The following OOSP3 variants were observed in gnomAD, a reference collection of about 807,000 sequenced individuals.
OOSP3 encodes oocyte-secreted protein 3.
chr11:59,893,613 T>C (rs992037869), intron 2 of OOSP3, among the ~76,000 whole-genome samples: 1 of 152,138 alleles, frequency 6.6e-6, no homozygotes, highest in African/African-American at 2.4e-5. Flanking sequence ...TGCCTCACCT[T>C]CCCAAAGTGG....
intron 2 of OOSP3, among the ~76,000 whole-genome samples, chr11:59,884,396 T>G (rs1853229742): frequency 6.6e-6 from 1 of 150,880 alleles, no homozygotes; most frequent in African/African-American, 2.4e-5. Flanking sequence ...TTGTAATAGT[T>G]TTTTTTTTTG....
At position 59,892,621 on chromosome 11, in the gene OOSP3, C is replaced by G. The variant is rs534659703; in HGVS notation, c.253-1458C>G. Among the ~76,000 whole-genome samples, 72 of 152,076 alleles carry G rather than the reference C, an allele frequency of 4.7e-4. No individual in the cohort carries two copies. In the South Asian group the frequency reaches 0.014, roughly 29 times the overall value. ...GGTAGTTTTTGGCTACTAATCCAAT[C>G]TCTTTACTTATTATATATAGGTCTA... On this transcript the variant is annotated intron_variant, in intron 2 of 4. Coordinates refer to ENST00000646438, the Ensembl canonical transcript of OOSP3.
intron 2 of OOSP3, among the ~76,000 whole-genome samples, chr11:59,891,764 G>A (rs1459828128): frequency 6.6e-6 from 1 of 152,238 alleles, no homozygotes; most frequent in Non-Finnish European, 1.5e-5. Context: ...TAAGGAAGCA[G>A]TCTGGCTGTC....
intron 2 of OOSP3, among the ~76,000 whole-genome samples, chr11:59,885,813 A>G (rs1853251124): frequency 6.6e-6 from 1 of 152,134 alleles, no homozygotes; most frequent in African/African-American, 2.4e-5. Context: ...TTTTAATATC[A>G]GGGCAATACA....
intron 2 of OOSP3, among the ~76,000 whole-genome samples, chr11:59,881,114 A>G (rs1853196447): frequency 6.6e-6 from 1 of 152,210 alleles, no homozygotes; most frequent in Non-Finnish European, 1.5e-5. Context: ...TAATCCCAGC[A>G]GTTTGGGAGG....
At chr11:59,887,207 T>C (rs1278681697) in intron 2 of OOSP3, among the ~76,000 whole-genome samples, 1 of 152,046 alleles carries the variant, frequency 6.6e-6, no homozygotes, top group Non-Finnish European at 1.5e-5. Context: ...GCAAAAATTT[T>C]CTCCCATTCT....
intron 2 of OOSP3, among the ~76,000 whole-genome samples, chr11:59,884,463 GTCTGTCTGTCTGTCTC>G (rs1337730797): frequency 3.4e-4 from 40 of 117,182 alleles, no homozygotes; most frequent in African/African-American, 1.4e-3. Context: ...CTGTCTGTCT[GTCTGTCTGTCTGTCTC>G]TCTCTCTCTC....
At chr11:59,895,285 CTTT>C (rs763923971) in intron 3 of OOSP3, among the ~76,000 whole-genome samples, 3 of 121,828 alleles carry the variant, frequency 2.5e-5, no homozygotes, top group Admixed American at 8.5e-5. Flanking sequence ...TATGGTAGGA[CTTT>C]TTTTTTTTTT....
At chr11:59,885,288 T>C (rs1853243639) in intron 2 of OOSP3, among the ~76,000 whole-genome samples, 1 of 151,744 alleles carries the variant, frequency 6.6e-6, no homozygotes, top group Non-Finnish European at 1.5e-5. Flanking sequence ...TTATTTTTTG[T>C]TGGGGGGGCG....
intron 2 of OOSP3, among the ~76,000 whole-genome samples, chr11:59,892,332 C>T (rs1462264810): frequency 6.6e-6 from 1 of 152,110 alleles, no homozygotes; most frequent in Non-Finnish European, 1.5e-5. Flanking sequence ...CTTTTTCTTG[C>T]TCTCTGTGGA....
chr11:59,887,064 G>A (rs1273727577), intron 2 of OOSP3, among the ~76,000 whole-genome samples: 1 of 151,540 alleles, frequency 6.6e-6, no homozygotes, highest in Non-Finnish European at 1.5e-5. Context: ...CAAAGTGCTG[G>A]GATTACAGGC....
At chr11:59,883,856 C>A (rs1490869910) in intron 2 of OOSP3, among the ~76,000 whole-genome samples, 1 of 152,182 alleles carries the variant, frequency 6.6e-6, no homozygotes, top group Non-Finnish European at 1.5e-5. Flanking sequence ...GACTGTCAGT[C>A]TCTTGCTGGA....
chr11:59,890,621 T>G (rs1361949207), intron 2 of OOSP3, among the ~76,000 whole-genome samples: 1 of 152,230 alleles, frequency 6.6e-6, no homozygotes, highest in Admixed American at 6.5e-5. Context: ...CTCTTTTGGC[T>G]TATAGGGTTT....
At chr11:59,884,463 GTCTGTCTGTCTGTCTCTCTCTCTCTCTC>G (rs1853231637) in intron 2 of OOSP3, among the ~76,000 whole-genome samples, 1 of 117,142 alleles carries the variant, frequency 8.5e-6, no homozygotes, top group African/African-American at 4.1e-5. Context: ...CTGTCTGTCT[GTCTGTCTGTCTGTCTCTCTCTCTCTCTC>G]TCTCTCTCTC....
At chr11:59,883,151 G>A (rs149481503) in intron 2 of OOSP3, among the ~76,000 whole-genome samples, 1 of 152,244 alleles carries the variant, frequency 6.6e-6, no homozygotes, top group African/African-American at 2.4e-5. Context: ...AAGATGGTGA[G>A]TCTTTGGCTG....
At chr11:59,890,098 C>A (rs2134530315) in intron 2 of OOSP3, among the ~76,000 whole-genome samples, 1 of 152,176 alleles carries the variant, frequency 6.6e-6, no homozygotes, top group South Asian at 2.1e-4. Flanking sequence ...AGGATTGCAA[C>A]TCCTGCTTTT....
At chr11:59,881,613 A>C (rs901186027) in intron 2 of OOSP3, among the ~76,000 whole-genome samples, 2 of 152,116 alleles carry the variant, frequency 1.3e-5, no homozygotes, top group African/African-American at 4.8e-5. Flanking sequence ...TGGTTTTACA[A>C]TATGACAAAA....
At position 59,884,475 on chromosome 11, in the gene OOSP3, GTCTCTCTCTCTCTCTCTCTC is replaced by G. The variant is rs60145654; in HGVS notation, c.252+4062_252+4081del. Among the ~76,000 whole-genome samples, 273 of 113,876 alleles carry G rather than the reference GTCTCTCTCTCTCTCTCTCTC, an allele frequency of 2.4e-3. 1 individual carries two copies. The highest frequency in any genetic ancestry group is 7.2e-3 in the African/African-American group (201 of 28,020). The allele number at this position is 113,876 out of a possible 152,430, so 74.7% of individuals were successfully genotyped here. ...TGTCTGTCTGTCTGTCTGTCTGTCTGTCTCTCTCTCTCTCTCTCTCTCTCTCTCTCTCTCTCTCTCTCTCT... is the reference window on the plus strand; with the variant it reads ...TGTCTGTCTGTCTGTCTGTCTGTCTGTCTCTCTCTCTCTCTCTCTCTCTCT... On this transcript the variant is annotated intron_variant, in intron 2 of 4. Transcript: ENST00000646438.
exon 5 of OOSP3, chr11:59,896,262 A>G (rs1486838240): frequency 5.0e-6 from 2 of 398,082 alleles, no homozygotes; most frequent in Non-Finnish European, 8.9e-6. Flanking sequence ...CTTACTTAAA[A>G]TTTAATTTTT....
Sources: allele counts gnomAD v4.1 joint callset (sites outside exome capture counted in the v4.1 genomes callset), GRCh38; gene constraint gnomAD v4.1.1; transcripts MANE v1.5; gene names NCBI Gene and HGNC (gene_info 2026-07-23, HGNC 2026-07-21).